Variants in CPQ observed in about 807,000 individuals in gnomAD.
CPQ encodes the protein carboxypeptidase Q, also known as Ser-Met dipeptidase.
In CPQ, 37 loss-of-function variants were observed where a neutral mutation model predicts 45.7. The observed-to-expected ratio is 0.81, with a 90% CI of 0.62 to 1.07. The LOEUF is 1.07. Among genes scored for constraint, CPQ ranks in the 50% least tolerant of loss-of-function variants. The pLI, the probability that CPQ is intolerant of heterozygous loss-of-function variation, is 0.00. For missense variants in CPQ, 537 were observed against 572.9 expected, an observed-to-expected ratio of 0.94 and a Z score of 0.64; for synonymous variants, 186 against 205.8, an observed-to-expected ratio of 0.90 and a Z score of 0.82.
At chr8:96,943,076 T>C (rs1263100736) in intron 4 of CPQ, among the ~76,000 whole-genome samples, 1 of 152,166 alleles carries the variant, frequency 6.6e-6, no homozygotes. Context: ...TAATGTCCAG[T>C]GGCTTGAACG....
At chr8:96,724,537 A>G (rs1809810049) in intron 1 of CPQ, among the ~76,000 whole-genome samples, 1 of 151,574 alleles carries the variant, frequency 6.6e-6, no homozygotes, top group Admixed American at 6.6e-5. Context: ...CCCTAGGAAT[A>G]CATCTAACAA....
chr8:96,927,334 C>A (rs961027058), intron 4 of CPQ, among the ~76,000 whole-genome samples: 64 of 152,166 alleles, frequency 4.2e-4, no homozygotes, highest in African/African-American at 1.5e-3. Context: ...ATCGTGCATG[C>A]ATCCAGATGA....
chr8:97,005,172 C>T lies in CPQ; in HGVS notation c.962-24231C>T, dbSNP rs1809360018. ...TCTCGGCTCACTGCAACCTCCGCCT[C>T]CCGGGTTCAAGCGGTTCTTCTGCCT... On this transcript the variant is annotated intron_variant, in intron 5 of 7. Transcript: ENST00000220763. Among the ~76,000 whole-genome samples the T allele has an allele frequency of 2.0e-5, 3 of 150,468 alleles. No homozygotes were observed. In the South Asian group the frequency reaches 6.3e-4, roughly 32 times the overall value.
In CPQ at chr8:97,141,624, T is replaced by C. The variant is rs907494064; in HGVS notation, c.1256-1396T>C. Among the ~76,000 whole-genome samples, 5 of 152,244 alleles carry C rather than the reference T, an allele frequency of 3.3e-5. No individual in the cohort carries two copies. In the Middle Eastern group the frequency reaches 0.01, roughly 311 times the overall value. ...AACATTTTGGAATTGCACGGTAAAA[T>C]TGAACACACACATACTCTATAGCCC... On this transcript the variant is annotated intron_variant, in intron 7 of 7. Transcript: ENST00000220763.
At chr8:96,742,123 G>A (rs1239962997) in intron 1 of CPQ, among the ~76,000 whole-genome samples, 4 of 147,702 alleles carry the variant, frequency 2.7e-5, no homozygotes, top group East Asian at 2.0e-4. Context: ...TCTCTTTGTA[G>A]GTCACTCAGG....
intron 7 of CPQ, among the ~76,000 whole-genome samples, chr8:97,085,364 A>G (rs932948572): frequency 5.3e-5 from 8 of 152,140 alleles, no homozygotes; most frequent in African/African-American, 1.9e-4. Context: ...AGCCTGGATG[A>G]CAAAGTGAAA....
In CPQ at chr8:96,979,082, A is replaced by G. The variant is rs574250663; in HGVS notation, c.961+13036A>G. On this transcript the variant is annotated intron_variant, in intron 5 of 7. Coordinates refer to ENST00000220763, the MANE Select transcript of CPQ (RefSeq NM_016134.4). ...AAAAAAGAACAAATTAGAACTCATG[A>G]AAGTACATAGTTTGAGGAGTAGAAG... 2.0e-5 allele frequency among the ~76,000 whole-genome samples: 3 copies of G among 152,030 alleles called. No homozygotes were observed. In the South Asian group the frequency reaches 6.2e-4, roughly 32 times the overall value.
intron 1 of CPQ, among the ~76,000 whole-genome samples, chr8:96,682,556 A>G (rs886749266): frequency 6.6e-6 from 1 of 152,084 alleles, no homozygotes; most frequent in Admixed American, 6.5e-5. Context: ...TACACCAACT[A>G]TTGTTGTACT....
At chr8:97,132,859 G>A (rs932970600) in intron 7 of CPQ, 3 of 152,188 alleles carry the variant, frequency 2.0e-5, no homozygotes, top group Non-Finnish European at 2.9e-5. Context: ...CTTTATTGAC[G>A]TCAGACCATG....
At chr8:96,988,522 G>T (rs1203298582) in intron 5 of CPQ, among the ~76,000 whole-genome samples, 1 of 152,086 alleles carries the variant, frequency 6.6e-6, no homozygotes, top group Admixed American at 6.5e-5. Flanking sequence ...GAAACCATGA[G>T]AAACATCCAA....
chr8:96,797,777 T>A (rs527769660), intron 2 of CPQ, among the ~76,000 whole-genome samples: 1 of 151,964 alleles, frequency 6.6e-6, no homozygotes, highest in Admixed American at 6.5e-5. Context: ...AATTGCCAGG[T>A]GCGGTGGCTC....
chr8:97,112,179 G>A (rs1354016717), intron 7 of CPQ, among the ~76,000 whole-genome samples: 1 of 142,472 alleles, frequency 7.0e-6, no homozygotes, highest in African/African-American at 2.6e-5. Flanking sequence ...TTTTTGCTAA[G>A]ACACTGTGGT....
intron 1 of CPQ, among the ~76,000 whole-genome samples, chr8:96,699,997 A>G (rs1310532539): frequency 6.6e-6 from 1 of 152,192 alleles, no homozygotes; most frequent in Non-Finnish European, 1.5e-5. Flanking sequence ...TGCCTACTTC[A>G]AAGCCCTGTG....
chr8:96,780,524 A>G (rs894009921), intron 1 of CPQ, among the ~76,000 whole-genome samples: 65 of 152,322 alleles, frequency 4.3e-4, no homozygotes, highest in African/African-American at 1.5e-3. Context: ...GCCATAGTAC[A>G]GAGTAAAAAG....
intron 2 of CPQ, among the ~76,000 whole-genome samples, chr8:96,829,954 A>G (rs958826321): frequency 2.6e-5 from 4 of 152,144 alleles, no homozygotes; most frequent in South Asian, 2.1e-4. Flanking sequence ...TCTGTAAGGC[A>G]TATTCTTCCA....
intron 1 of CPQ, among the ~76,000 whole-genome samples, chr8:96,723,771 C>T (rs865917147): frequency 1.3e-5 from 2 of 151,992 alleles, no homozygotes; most frequent in African/African-American, 4.8e-5. Context: ...TGCAGGACAA[C>T]AACCAACTTG....
intron 1 of CPQ, among the ~76,000 whole-genome samples, chr8:96,757,070 C>T (rs778536723): frequency 2.6e-5 from 4 of 152,026 alleles, no homozygotes; most frequent in Non-Finnish European, 5.9e-5. Context: ...TGATTTCCAG[C>T]TGAGCGTGGT....
intron 7 of CPQ, among the ~76,000 whole-genome samples, chr8:97,097,124 C>G (rs901087746): frequency 1.3e-5 from 2 of 152,220 alleles, no homozygotes; most frequent in African/African-American, 4.8e-5. Flanking sequence ...CTTGACCCTT[C>G]TGCTGTATGA....
chr8:97,002,640 C>T lies in CPQ; in HGVS notation c.962-26763C>T, dbSNP rs752285279. 5.3e-5 allele frequency among the ~76,000 whole-genome samples: 8 copies of T among 151,868 alleles called. No individual in the cohort carries two copies. The East Asian group carries it at 9.6e-4, about 18-fold the overall frequency. On this transcript the variant is annotated intron_variant, in intron 5 of 7. Coordinates refer to ENST00000220763, the MANE Select transcript of CPQ (RefSeq NM_016134.4). ...TGGTCCAAGAGACTGTTAATATTTC[C>T]GTTCTTTTACATTTGCTGAGGAGTG...
Sources: allele counts gnomAD v4.1 joint callset (sites outside exome capture counted in the v4.1 genomes callset), GRCh38; gene constraint gnomAD v4.1.1; transcripts MANE v1.5; gene names NCBI Gene and HGNC (gene_info 2026-07-23, HGNC 2026-07-21).